Variants in PRKAG3 observed in about 807,000 individuals in gnomAD.
PRKAG3 encodes 5'-AMP-activated protein kinase subunit gamma-3.
Under a neutral mutation model 56.5 loss-of-function variants are expected in PRKAG3, and 39 were observed. That is an observed-to-expected ratio of 0.69 (90% CI 0.53 to 0.90). The LOEUF (loss-of-function observed/expected upper bound fraction) is 0.90. Among genes scored for constraint, PRKAG3 ranks in the 40% least tolerant of loss-of-function variants. PRKAG3 has a pLI of 0.00. For synonymous variants in PRKAG3, 243 were observed against 250.1 expected, an observed-to-expected ratio of 0.97 and a Z score of 0.27; for missense variants, 628 against 627.5, an observed-to-expected ratio of 1.00 and a Z score of -0.01.
intron 10 of PRKAG3, among the ~76,000 whole-genome samples, chr2:218,825,412 A>G (rs567862566): frequency 3.3e-5 from 5 of 151,906 alleles, no homozygotes; most frequent in African/African-American, 1.2e-4. Flanking sequence ...GGAGGCCAAG[A>G]CAGGTGGATC....
At chr2:218,829,857 G>A in intron 4 of PRKAG3, 121 bp downstream of exon 4, 1 of 1,242,810 alleles carries the variant, frequency 8.0e-7, no homozygotes, top group Non-Finnish European at 1.1e-6. Flanking sequence ...CTAAGAAGGA[G>A]TCCTTTCAGG....
At chr2:218,825,922 A>AATTT (rs1415558235) in intron 10 of PRKAG3, among the ~76,000 whole-genome samples, 2 of 150,932 alleles carry the variant, frequency 1.3e-5, no homozygotes, top group African/African-American at 4.9e-5. Flanking sequence ...ATGCCCAGCT[A>AATTT]ATTTTTTTTT....
At chr2:218,824,475 GC>G (rs560968448) in intron 11 of PRKAG3, 63 bp downstream of exon 11, 1 of 1,605,084 alleles carries the variant, frequency 6.2e-7, no homozygotes, top group Non-Finnish European at 8.5e-7. Context: ...GTCCACAGAG[GC>G]CCCCCACCCA....
At chr2:218,830,841 C>T (rs776506725) in exon 3 of PRKAG3, 4 of 1,613,888 alleles carry the variant, frequency 2.5e-6, no homozygotes, top group Non-Finnish European at 3.4e-6. Context: ...TCTTTCTGAG[C>T]TGCTGGTCAC....
At chr2:218,825,150 C>T (rs933268173) in intron 10 of PRKAG3, among the ~76,000 whole-genome samples, 2 of 151,874 alleles carry the variant, frequency 1.3e-5, no homozygotes, top group African/African-American at 4.8e-5. Flanking sequence ...GCCTGGCCAA[C>T]ATAGTGAAAC....
At chr2:218,829,031 C>T (rs76174834) in intron 4 of PRKAG3, among the ~76,000 whole-genome samples, 3,177 of 152,124 alleles carry the variant, frequency 0.021, 51 homozygotes, top group Non-Finnish European at 0.033. Flanking sequence ...CATTTTGTGC[C>T]CCGTCCTAAG....
Position 218,828,112 on chromosome 2 carries a change from G to A in PRKAG3, c.716-50C>T, listed in dbSNP as rs756725922. The A allele has an allele frequency of 6.0e-6, 9 of 1,494,814 alleles. No homozygotes were observed. The African/African-American group carries it at 9.7e-5, about 16-fold the overall frequency. The allele number at this position is 1,494,814 out of a possible 1,614,324, so 92.6% of individuals were successfully genotyped here. A position where few individuals can be genotyped will look rare whatever the true frequency, so the allele number is the denominator to read the frequency against. On this transcript the variant is annotated intron_variant, in intron 5 of 12. Transcript: ENST00000529249. ...TCAGCCCGGGGCCTTTGGGTGGAAG[G>A]CAGGTTGAGGGTCAGATCCCCTCCC...
At chr2:218,831,429 C>A in intron 1 of PRKAG3, 54 bp from the exon 2 acceptor site, 2 of 1,490,500 alleles carry the variant, frequency 1.3e-6, no homozygotes, top group Non-Finnish European at 1.8e-6. Flanking sequence ...CATTCCCAAA[C>A]CCCTTCTCCC....
exon 2 of PRKAG3, chr2:218,831,370 A>G: frequency 6.2e-7 from 1 of 1,602,948 alleles, no homozygotes; most frequent in East Asian, 2.2e-5. Flanking sequence ...TGCTCCAGGA[A>G]GGGGTCTGTG....
exon 13 of PRKAG3, chr2:218,823,703 A>G: frequency 6.2e-7 from 1 of 1,611,060 alleles, no homozygotes; most frequent in Non-Finnish European, 8.5e-7. Context: ...TGAGTTCTCC[A>G]GTTCCCTTCA....
In PRKAG3 at chr2:218,827,089, G is replaced by A. The variant is rs140691766; in HGVS notation, c.1007C>T (p.Ser336Phe). 393 of 1,613,182 alleles carry A rather than the reference G, an allele frequency of 2.4e-4. 2 individuals carry two copies. In the African/African-American group the frequency reaches 4.8e-3, roughly 20 times the overall value. Residue 336 changes from serine to phenylalanine, a missense_variant, in exon 10 of 13, where the codon TCC becomes TTC. Coordinates refer to ENST00000529249, the Ensembl canonical transcript of PRKAG3. The surrounding 1 kb of genome is among the most constrained non-coding windows in gnomAD (Gnocchi z 5.3). ...GAGGAAGGAGGGCCGGGGCAGCAGG[G>A]AACCCTGGTTAGGATGGGGACCAGG...
chr2:218,824,304 C>G, exon 12 of PRKAG3: 1 of 1,614,166 alleles, frequency 6.2e-7, no homozygotes, highest in Non-Finnish European at 8.5e-7. Flanking sequence ...ACATAGTGTC[C>G]TCTGCCTCAG....
chr2:218,825,821 A>G (rs1221942728), intron 10 of PRKAG3, among the ~76,000 whole-genome samples: 1 of 142,062 alleles, frequency 7.0e-6, no homozygotes, highest in Non-Finnish European at 1.5e-5. Context: ...CAGTGGCGCG[A>G]TCTTGGCTCA....
At chr2:218,828,062 C>T (rs774588653) in exon 6 of PRKAG3, 7 of 1,410,148 alleles carry the variant, frequency 5.0e-6, no homozygotes, top group African/African-American at 6.2e-5. Flanking sequence ...GGTCAGCATC[C>T]CTGCAGGGAG....
rs17848611 is a variant in PRKAG3 at position 218,824,216 on chromosome 2, C to T, written c.1353+6G>A. 49 of 1,613,958 alleles carry T rather than the reference C, an allele frequency of 3.0e-5. No individual in the cohort carries two copies. The highest frequency in any genetic ancestry group is 3.7e-5 in the Non-Finnish European group (44 of 1,180,014). On this transcript the variant is annotated splice_donor_region_variant and intron_variant, in intron 12 of 12. Transcript: ENST00000529249. ...GTTGGGGGCATGAATGGAGGGCACA[C>T]GGTACCTGCTCCCGAGCAATCCTGT...
Position 218,824,009 on chromosome 2 carries a change from G to A in PRKAG3, c.1354-131C>T, listed in dbSNP as rs73993309. On this transcript the variant is annotated intron_variant, in intron 12 of 12. Coordinates refer to ENST00000529249, the Ensembl canonical transcript of PRKAG3. ...AGAGCGTCTCCTAGAAACCAGTTAG[G>A]GATGGTGTGACCGGCCTAAGGTGAT... 0.016 allele frequency: 19,917 copies of A among 1,214,024 alleles called. 2,065 individuals carry two copies. The African/African-American group carries it at 0.24, about 15-fold the overall frequency. The allele number at this position is 1,214,024 out of a possible 1,614,324, so 75.2% of individuals were successfully genotyped here. A position where few individuals can be genotyped will look rare whatever the true frequency, so the allele number is the denominator to read the frequency against.
At chr2:218,824,849 A>G (rs1402413661) in intron 10 of PRKAG3, among the ~76,000 whole-genome samples, 2 of 152,204 alleles carry the variant, frequency 1.3e-5, no homozygotes, top group Non-Finnish European at 2.9e-5. Context: ...TTCAGTTTAC[A>G]GGAAACCCAG....
At chr2:218,831,707 C>A (rs754244412) in intron 1 of PRKAG3, 31 bp downstream of exon 1, 2 of 1,605,012 alleles carry the variant, frequency 1.2e-6, no homozygotes, top group East Asian at 4.5e-5. Context: ...CCTCAGCTGC[C>A]CCGGCTCCGG....
rs1943885504 is a variant in PRKAG3 at position 218,823,640 on chromosome 2, G to A, written c.*122C>T. 1.5e-5 allele frequency: 24 copies of A among 1,588,822 alleles called. No homozygotes were observed. The highest frequency in any genetic ancestry group is 2.0e-5 in the Non-Finnish European group (24 of 1,172,530). Reference sequence around the variant, plus strand: ...GGCTGGTGTCATGGCCCAGGGCAGAGCCTACCTGAATCATAGCTGAACCAG... The same window carrying A: ...GGCTGGTGTCATGGCCCAGGGCAGAACCTACCTGAATCATAGCTGAACCAG... On this transcript the variant is annotated 3_prime_UTR_variant, in exon 13 of 13. Coordinates refer to ENST00000529249, the Ensembl canonical transcript of PRKAG3.
Sources: gnomAD v4.1 joint callset for allele counts (sites outside exome capture counted in the v4.1 genomes callset) on GRCh38, gnomAD v4.1.1 for gene constraint, Gnocchi (gnomAD v3.1) non-coding constraint, MANE v1.5 for transcripts, NCBI Gene and HGNC (gene_info 2026-07-23, HGNC 2026-07-21) for gene names.